The following JMJD8 variants were observed in gnomAD, a reference collection of about 807,000 sequenced individuals.
The protein encoded by JMJD8 is jumonji domain containing 8, also known as jmjC domain-containing protein 8.
Under a neutral mutation model 37.6 loss-of-function variants are expected in JMJD8, and 56 were observed. That is an observed-to-expected ratio of 1.49 (90% confidence interval 1.20 to 1.86). The LOEUF (loss-of-function observed/expected upper bound fraction) is 1.86, where lower values mean the gene tolerates loss of function less well. JMJD8 is among the 40% of genes most tolerant of loss of function. The pLI, the probability that JMJD8 is intolerant of heterozygous loss-of-function variation, is 0.00. For missense variants in JMJD8, 542 were observed against 362.7 expected (o/e 1.49, Z -4.01); for synonymous variants, 261 against 163.7 (o/e 1.59, Z -4.54).
In JMJD8 at chr16:684,309, G is replaced by A. The variant is rs749182984; in HGVS notation, c.11C>T (p.Ala4Val). Residue 4 changes from alanine (A) to valine (V), a missense_variant, in exon 1 of 9, where the codon GCG becomes GTG. By Grantham distance (64) the Ala-to-Val change is moderately conservative. Transcript: ENST00000609261. MAP[A>V]SRLLALWALA... ...CGCCCAGAGCGCGAGCAACCGCGAC[G>A]CCGGCGCCATGAGCCTGCCGCCCTC... is the stretch of plus-strand genomic sequence containing the variant. 4.0e-6 allele frequency: 6 copies of A among 1,485,496 alleles called. No individual in the cohort carries two copies. The highest frequency in any genetic ancestry group is 2.5e-5 in the South Asian group (2 of 78,846). The allele number at this position is 1,485,496 out of a possible 1,614,324, so 92.0% of individuals were successfully genotyped here.
Position 682,600 on chromosome 16 carries a change from G to T in JMJD8, c.*194C>A. 6.6e-7 allele frequency: 1 copy of T among 1,506,028 alleles called. No individual in the cohort carries two copies. The highest frequency in any genetic ancestry group is 9.1e-7 in the Non-Finnish European group (1 of 1,104,142). The allele number at this position is 1,506,028 out of a possible 1,614,324, so 93.3% of individuals were successfully genotyped here. On this transcript the variant is annotated 3_prime_UTR_variant, in exon 9 of 9. Coordinates refer to ENST00000609261, the MANE Select transcript of JMJD8 (RefSeq NM_001005920.4). ...ACCCCGACCGCTTCCCCCAAGTTCTGCTGTTGGACTCTGGACTGTTTCCCC... is the reference window on the plus strand; with the variant it reads ...ACCCCGACCGCTTCCCCCAAGTTCTTCTGTTGGACTCTGGACTGTTTCCCC...
rs887755423 is a variant in JMJD8 at position 683,925 on chromosome 16, G to A, written c.177-16C>T. ...GAAGGCGTACCTGGAAAGAAGGGCA[G>A]AGTCGCGGCCAGGCCGGACCGCCAG... On this transcript the variant is annotated splice_polypyrimidine_tract_variant and intron_variant, in intron 2 of 8. Coordinates refer to ENST00000609261, the MANE Select transcript of JMJD8 (RefSeq NM_001005920.4). The A allele has an allele frequency of 6.4e-7, 1 of 1,570,404 alleles. No homozygotes were observed. The highest frequency in any genetic ancestry group is 1.4e-5 in the African/African-American group (1 of 74,024).
chr16:682,634 T>C lies in JMJD8; in HGVS notation c.*160A>G, dbSNP rs1031114213. On this transcript the variant is annotated 3_prime_UTR_variant, in exon 9 of 9. Transcript: ENST00000609261. ...CTCTGGACTGTTTCCCCTCTCAGCA[T>C]CGCTTTTGCTGGGCCGTGATCGTCC... 3.5e-6 allele frequency: 5 copies of C among 1,430,338 alleles called. No individual in the cohort carries two copies. The African/African-American group carries it at 7.0e-5, about 20-fold the overall frequency. The allele number at this position is 1,430,338 out of a possible 1,614,324, so 88.6% of individuals were successfully genotyped here.
Position 681,751 on chromosome 16 carries a change from C to G in JMJD8, c.*1043G>C. 6.4e-7 allele frequency: 1 copy of G among 1,563,064 alleles called. No individual in the cohort carries two copies. The highest frequency in any genetic ancestry group is 8.7e-7 in the Non-Finnish European group (1 of 1,148,910). On this transcript the variant is annotated 3_prime_UTR_variant, in exon 9 of 9. Transcript: ENST00000609261. ...CTGAGATTGGGGTGTGGTCAGACAT[C>G]TGGCCAGGTCCATCTCTGACCGGCT... is the stretch of plus-strand genomic sequence containing the variant.
In JMJD8 at chr16:681,972, G is replaced by A. The variant is rs1337416666; in HGVS notation, c.*822C>T. On this transcript the variant is annotated 3_prime_UTR_variant, in exon 9 of 9. Coordinates refer to ENST00000609261, the MANE Select transcript of JMJD8 (RefSeq NM_001005920.4). ...TGTGTTGGGTCTGTGCCCCATGGAG[G>A]AGGGAGGTGGGGTGTCTCCCCCAAG... is the stretch of plus-strand genomic sequence containing the variant. 1.9e-6 allele frequency: 3 copies of A among 1,612,640 alleles called. No homozygotes were observed. The African/African-American group carries it at 4.0e-5, about 22-fold the overall frequency.
In JMJD8 at chr16:682,638, T is replaced by C; in HGVS notation, c.*156A>G. On this transcript the variant is annotated 3_prime_UTR_variant, in exon 9 of 9. Transcript: ENST00000609261. The stretch of plus-strand genomic sequence containing the variant: ...GGACTGTTTCCCCTCTCAGCATCGC[T>C]TTTGCTGGGCCGTGATCGTCCCCCT... 1 of 1,430,980 alleles carries C rather than the reference T, an allele frequency of 7.0e-7. No homozygotes were observed. Among genetic ancestry groups the C allele is most frequent in the South Asian group, 1.3e-5 (1 of 76,404 alleles). 88.6% of individuals were successfully genotyped at this position (1,430,980 alleles called of 1,614,324 possible). A position where few individuals can be genotyped will look rare whatever the true frequency, so the allele number is the denominator to read the frequency against.
Sources: gnomAD v4.1 joint callset for allele counts on GRCh38, gnomAD v4.1.1 for gene constraint, MANE v1.5 for transcripts, NCBI Gene and HGNC (gene_info 2026-07-23, HGNC 2026-07-21) for gene names.